DTD1: variants seen among roughly 807,000 people sequenced by gnomAD.
DTD1 encodes D-tyrosyl-tRNA deacylase 1 homolog.
In DTD1, 13 loss-of-function variants were observed where a neutral mutation model predicts 25.6. That is an observed-to-expected ratio of 0.51 (90% CI 0.33 to 0.81). DTD1 has a LOEUF of 0.81. Among genes scored for constraint, DTD1 ranks in the 30% least tolerant of loss-of-function variants. DTD1 has a pLI of 0.02. For missense variants in DTD1, 193 were observed against 266.4 expected (o/e 0.72, Z 1.92); for synonymous variants, 110 against 103.6 (o/e 1.06, Z -0.37).
chr20:18,718,024 G>A lies in DTD1; in HGVS notation c.478-26076G>A, dbSNP rs776555303. 3.9e-5 allele frequency among the ~76,000 whole-genome samples: 6 copies of A among 152,308 alleles called. No individual in the cohort carries two copies. The East Asian group carries it at 9.6e-4, about 24-fold the overall frequency. On this transcript the variant is annotated intron_variant, in intron 4 of 5. Coordinates refer to ENST00000377452, the MANE Select transcript of DTD1 (RefSeq NM_080820.6). Reference sequence around the variant, plus strand: ...GGTTCAAAAGGAAACAGGTTTGGGAGCCTCTTGGGAAACAGCCAAAGAAAA... The same window carrying A: ...GGTTCAAAAGGAAACAGGTTTGGGAACCTCTTGGGAAACAGCCAAAGAAAA...
At chr20:18,689,111 C>T (rs563794348) in intron 4 of DTD1, among the ~76,000 whole-genome samples, 56 of 152,202 alleles carry the variant, frequency 3.7e-4, no homozygotes, top group Non-Finnish European at 6.9e-4. Flanking sequence ...CAGCTCTCCA[C>T]GGCCCCGTTT....
intron 4 of DTD1, among the ~76,000 whole-genome samples, chr20:18,723,375 A>G (rs1392560252): frequency 6.6e-6 from 1 of 152,238 alleles, no homozygotes; most frequent in African/African-American, 2.4e-5. Flanking sequence ...ACTTGGCTCC[A>G]TACCAGTGAG....
intron 4 of DTD1, among the ~76,000 whole-genome samples, chr20:18,661,186 C>G (rs1352714226): frequency 6.6e-6 from 1 of 152,106 alleles, no homozygotes; most frequent in East Asian, 1.9e-4. Flanking sequence ...AGTATTTCCT[C>G]CCACTTTATT....
chr20:18,610,540 G>A (rs1246981974), intron 3 of DTD1, among the ~76,000 whole-genome samples: 1 of 152,204 alleles, frequency 6.6e-6, no homozygotes, highest in Non-Finnish European at 1.5e-5. Context: ...ATTATACACA[G>A]TTTTTTAAAA....
At chr20:18,687,973 A>G (rs1414596402) in intron 4 of DTD1, among the ~76,000 whole-genome samples, 1 of 152,188 alleles carries the variant, frequency 6.6e-6, no homozygotes, top group Non-Finnish European at 1.5e-5. Flanking sequence ...ATCGCATCCC[A>G]CTTCAGAGGT....
At chr20:18,600,635 AAAATAACTTG>A (rs2060630044) in intron 3 of DTD1, among the ~76,000 whole-genome samples, 1 of 152,154 alleles carries the variant, frequency 6.6e-6, no homozygotes, top group African/African-American at 2.4e-5. Flanking sequence ...TGATATCTGC[AAAATAACTTG>A]CTGGATTTAG....
At chr20:18,699,851 G>T (rs191831520) in intron 4 of DTD1, among the ~76,000 whole-genome samples, 1 of 152,306 alleles carries the variant, frequency 6.6e-6, no homozygotes, top group African/African-American at 2.4e-5. Flanking sequence ...TGCAAAAATA[G>T]ACCAGAAGAG....
At chr20:18,664,652 A>C (rs986238815) in intron 4 of DTD1, among the ~76,000 whole-genome samples, 4 of 152,156 alleles carry the variant, frequency 2.6e-5, no homozygotes, top group Non-Finnish European at 5.9e-5. Flanking sequence ...ACACCATTTT[A>C]AGCACTTTGT....
At chr20:18,630,743 G>C (rs1417955246) in intron 4 of DTD1, 1 of 152,140 alleles carries the variant, frequency 6.6e-6, no homozygotes, top group Admixed American at 6.5e-5. Flanking sequence ...TGTCATTTCT[G>C]CTTAGTCTTC....
chr20:18,746,822 C>T (rs577816785), intron 5 of DTD1, among the ~76,000 whole-genome samples: 7 of 152,176 alleles, frequency 4.6e-5, no homozygotes, highest in Non-Finnish European at 1.0e-4. Context: ...GGTTCATAGA[C>T]AGTTTTAGGG....
At chr20:18,721,283 C>G (rs2061202296) in intron 4 of DTD1, among the ~76,000 whole-genome samples, 1 of 152,054 alleles carries the variant, frequency 6.6e-6, no homozygotes, top group African/African-American at 2.4e-5. Flanking sequence ...AGGGCATTTA[C>G]CATGTGTGGC....
intron 4 of DTD1, among the ~76,000 whole-genome samples, chr20:18,681,201 C>T (rs1247336502): frequency 1.3e-5 from 2 of 152,152 alleles, no homozygotes; most frequent in East Asian, 1.9e-4. Flanking sequence ...AGACTCCTGA[C>T]TGGGGATGGG....
At chr20:18,658,970 C>A (rs1035217198) in intron 4 of DTD1, among the ~76,000 whole-genome samples, 1 of 151,984 alleles carries the variant, frequency 6.6e-6, no homozygotes, top group Non-Finnish European at 1.5e-5. Flanking sequence ...AAAGGTGGCA[C>A]ATTTGTGCAC....
intron 4 of DTD1, among the ~76,000 whole-genome samples, chr20:18,715,438 T>G (rs748792591): frequency 2.0e-5 from 3 of 152,062 alleles, no homozygotes; most frequent in Non-Finnish European, 4.4e-5. Flanking sequence ...CCTGCAGTGG[T>G]TGCTAAGTGG....
At chr20:18,622,332 C>T (rs951691125) in intron 3 of DTD1, among the ~76,000 whole-genome samples, 1 of 152,058 alleles carries the variant, frequency 6.6e-6, no homozygotes, top group Non-Finnish European at 1.5e-5. Context: ...TTTTTAAATA[C>T]ATTGATTTAC....
At chr20:18,721,306 C>T (rs1340786794) in intron 4 of DTD1, among the ~76,000 whole-genome samples, 4 of 152,086 alleles carry the variant, frequency 2.6e-5, no homozygotes, top group African/African-American at 9.7e-5. Context: ...CTGAGTGATG[C>T]TCATTTGTTC....
chr20:18,626,825 A>G (rs6045520), intron 3 of DTD1, among the ~76,000 whole-genome samples: 77,830 of 152,162 alleles, frequency 0.51, 20,297 homozygotes, highest in Middle Eastern at 0.57. Flanking sequence ...TGAAGCATAT[A>G]CTGTATATCC....
chr20:18,708,252 T>TTATATA (rs1203473690), intron 4 of DTD1, among the ~76,000 whole-genome samples: 2,179 of 31,742 alleles, frequency 0.069, 217 homozygotes, highest in East Asian at 0.28. Flanking sequence ...ATAATATATA[T>TTATATA]TATATATATA....
At chr20:18,670,908 T>G (rs1258175072) in intron 4 of DTD1, among the ~76,000 whole-genome samples, 1 of 152,240 alleles carries the variant, frequency 6.6e-6, no homozygotes, top group Non-Finnish European at 1.5e-5. Flanking sequence ...GTGAATTATT[T>G]TGTGTCATTT....
Sources: gnomAD v4.1 joint callset for allele counts (sites outside exome capture counted in the v4.1 genomes callset) on GRCh38, gnomAD v4.1.1 for gene constraint, MANE v1.5 for transcripts, NCBI Gene and HGNC (gene_info 2026-07-23, HGNC 2026-07-21) for gene names.